FADS2: variants seen among roughly 807,000 people sequenced by gnomAD.
The protein encoded by FADS2 is acyl-CoA 6-desaturase.
Under a neutral mutation model 61.2 loss-of-function variants are expected in FADS2, and 18 were observed. The ratio of observed to expected loss-of-function variants is 0.29; its 90% CI spans 0.20 to 0.44. FADS2 has a LOEUF of 0.44. FADS2 is among the 20% of genes least tolerant of loss of function. The pLI is 1.00. For synonymous variants in FADS2, 203 were observed against 223.9 expected, an observed-to-expected ratio of 0.91 and a Z score of 0.83; for missense variants, 322 against 572.7, an observed-to-expected ratio of 0.56 and a Z score of 4.47.
rs772229687 is a variant in FADS2, at chr11:61,840,676, A to T, written c.569A>T (p.Lys190Ile). 6.2e-7 allele frequency: 1 copy of T among 1,614,202 alleles called. No individual in the cohort carries two copies. Among genetic ancestry groups the T allele is most frequent in the Non-Finnish European group, 8.5e-7 (1 of 1,180,038 alleles). Reference protein sequence around the residue: ...HDYGHLSVYRKPKWNHLVHKF... With the variant: ...HDYGHLSVYRIPKWNHLVHKF... ...TATGGCCACCTGTCTGTCTACAGAA[A>T]ACCCAAGTGGAACCACCTTGTCCAC... Residue 190 changes from lysine to isoleucine, a missense_variant, in exon 4 of 12, where the codon AAA becomes ATA. Lys to Ile is a moderately radical substitution (Grantham distance 102). This residue lies in a region of FADS2 where 221 missense variants were observed against 427.9 expected (regional missense o/e 0.52). Coordinates refer to ENST00000278840, the MANE Select transcript of FADS2 (RefSeq NM_004265.4).
At chr11:61,841,253 T>C (rs2067214772) in intron 4 of FADS2, among the ~76,000 whole-genome samples, 1 of 152,064 alleles carries the variant, frequency 6.6e-6, no homozygotes, top group African/African-American at 2.4e-5. Context: ...GGTTTTGCTA[T>C]GTTGGTCAGG....
Position 61,840,320 on chromosome 11 carries a change from C to A in FADS2, c.319-14C>A. ...CTGGTGGCTGACTCCTTTCCCTGTG[C>A]TCTTGGTCAACAGTCAAAGATCACT... On this transcript the variant is annotated splice_polypyrimidine_tract_variant and intron_variant, in intron 2 of 11. Transcript: ENST00000278840. 6.2e-7 allele frequency: 1 copy of A among 1,610,258 alleles called. No individual in the cohort carries two copies. The highest frequency in any genetic ancestry group is 8.5e-7 in the Non-Finnish European group (1 of 1,176,878).
At chr11:61,848,030 T>C in intron 4 of FADS2, 129 bp from the exon 5 acceptor site, 1 of 1,084,038 alleles carries the variant, frequency 9.2e-7, no homozygotes, top group Non-Finnish European at 1.3e-6. Flanking sequence ...ATTCTGGCCT[T>C]GTGGGGGCCT....
upstream of FADS2, among the ~76,000 whole-genome samples, chr11:61,824,815 G>C (rs2067069602): frequency 6.6e-6 from 1 of 152,144 alleles, no homozygotes; most frequent in Admixed American, 6.5e-5. Context: ...CAGGGAATGG[G>C]GGAGAATTAT....
chr11:61,833,504 G>A (rs1349569382), intron 1 of FADS2, among the ~76,000 whole-genome samples: 4 of 152,252 alleles, frequency 2.6e-5, no homozygotes, highest in Non-Finnish European at 5.9e-5. Flanking sequence ...TGAACAGCGG[G>A]CAATGCTCAA....
chr11:61,835,030 TGCCTCCCC>T (rs2067160505), intron 1 of FADS2, among the ~76,000 whole-genome samples: 1 of 10,720 alleles, frequency 9.3e-5, no homozygotes, highest in Admixed American at 3.1e-3. Flanking sequence ...GCCTCCTCCC[TGCCTCCCC>T]AGGGACTTCT....
chr11:61,836,681 T>C (rs1468043024), intron 1 of FADS2, among the ~76,000 whole-genome samples: 1 of 152,240 alleles, frequency 6.6e-6, no homozygotes, highest in Non-Finnish European at 1.5e-5. Flanking sequence ...GAGTTGCAGT[T>C]TTTATATCAT....
intron 1 of FADS2, among the ~76,000 whole-genome samples, chr11:61,821,709 G>A (rs2067037740): frequency 6.6e-6 from 1 of 152,204 alleles, no homozygotes; most frequent in Non-Finnish European, 1.5e-5. Flanking sequence ...CAACACAGTA[G>A]GCACTAATAA....
chr11:61,843,560 C>T (rs1348917649), intron 4 of FADS2, among the ~76,000 whole-genome samples: 2 of 152,212 alleles, frequency 1.3e-5, no homozygotes, highest in Admixed American at 1.3e-4. Flanking sequence ...AAGTAAGGCA[C>T]TCGCTTAGGG....
chr11:61,828,858 T>C lies in FADS2; in HGVS notation c.207+261T>C, dbSNP rs886284549. The C allele has an allele frequency of 9.1e-6, 4 of 440,442 alleles. No homozygotes were observed. The highest frequency in any genetic ancestry group is 1.6e-5 in the Non-Finnish European group (4 of 244,506). 27.3% of individuals were successfully genotyped at this position (440,442 alleles called of 1,614,324 possible). A position where few individuals can be genotyped will look rare whatever the true frequency, so the allele number is the denominator to read the frequency against. ...AGCGGTGGAGAACAGGGCAAGCATC[T>C]ACCGCGCGCGCCGGGACCCACGCGT... On this transcript the variant is annotated intron_variant, in intron 1 of 11. Transcript: ENST00000278840. The surrounding 1 kb of genome is among the most constrained non-coding windows in gnomAD (Gnocchi z 6.4).
intron 1 of FADS2, among the ~76,000 whole-genome samples, chr11:61,819,207 G>GA (rs917147031): frequency 2.0e-5 from 3 of 151,514 alleles, no homozygotes; most frequent in Admixed American, 1.3e-4. Context: ...CTGAAGAGAT[G>GA]AAAAAAAATA....
At chr11:61,818,650 T>C (rs2067009539) in intron 1 of FADS2, among the ~76,000 whole-genome samples, 2 of 152,198 alleles carry the variant, frequency 1.3e-5, no homozygotes, top group Admixed American at 1.3e-4. Context: ...TTGATAGATA[T>C]AGAATCCTTC....
chr11:61,816,816 G>T lies in FADS2; in HGVS notation c.141+390G>T, dbSNP rs979020168. The T allele has an allele frequency of 1.4e-5, 21 of 1,494,026 alleles. No homozygotes were observed. In the East Asian group the frequency reaches 5.6e-4, roughly 40 times the overall value. The allele number at this position is 1,494,026 out of a possible 1,614,324, so 92.5% of individuals were successfully genotyped here. A position where few individuals can be genotyped will look rare whatever the true frequency, so the allele number is the denominator to read the frequency against. ...CAGGGGCTGTCAGGCGCGTGCTCGG[G>T]GTCCGCGGGCTCCAGGAGTGGATTT... On this transcript the variant is annotated intron_variant, in intron 1 of 11. Transcript: ENST00000257261. The surrounding 1 kb of genome is among the most constrained non-coding windows in gnomAD (Gnocchi z 7.0).
intron 4 of FADS2, chr11:61,846,794 A>G (rs956542142): frequency 2.6e-5 from 4 of 152,060 alleles, no homozygotes; most frequent in African/African-American, 9.7e-5. Context: ...ATGGGATCCT[A>G]TTTGAGTGTT....
Position 61,840,428 on chromosome 11 carries a change from C to T in FADS2, c.413C>T (p.Ala138Val). The T allele has an allele frequency of 1.2e-6, 2 of 1,614,108 alleles. No individual in the cohort carries two copies. The highest frequency in any genetic ancestry group is 1.7e-6 in the Non-Finnish European group (2 of 1,179,940). Residue 138 changes from alanine (A) to valine (V), a missense_variant, in exon 3 of 12, where the codon GCC becomes GTC. Transcript: ENST00000278840. The stretch of plus-strand genomic sequence containing the variant: ...CACGTGTTCTTCCTCCTCCTCCTGG[C>T]CCACATCATCGCCCTGGAGAGCATT... ...TNHVFFLLLL[A>V]HIIALESIAW...
In FADS2 at chr11:61,865,055, G is replaced by C; in HGVS notation, c.1158-97G>C. The C allele has an allele frequency of 6.9e-7, 1 of 1,444,210 alleles. No homozygotes were observed. Among genetic ancestry groups the C allele is most frequent in the East Asian group, 2.3e-5 (1 of 43,080 alleles). The allele number at this position is 1,444,210 out of a possible 1,614,324, so 89.5% of individuals were successfully genotyped here. On this transcript the variant is annotated intron_variant, in intron 10 of 11. Coordinates refer to ENST00000278840, the MANE Select transcript of FADS2 (RefSeq NM_004265.4). The surrounding 1 kb of genome is among the most constrained non-coding windows in gnomAD (Gnocchi z 4.1). The stretch of plus-strand genomic sequence containing the variant: ...GGTCCTGGCTGTGGACAGGGTCTCT[G>C]AGGGCCCCAGCCAGCCTCTGCCCAG...
intron 4 of FADS2, among the ~76,000 whole-genome samples, chr11:61,845,697 G>A (rs2067251789): frequency 6.6e-6 from 1 of 151,380 alleles, no homozygotes; most frequent in African/African-American, 2.4e-5. Context: ...GAAGGCTGAG[G>A]TAGGAGAACC....
intron 4 of FADS2, among the ~76,000 whole-genome samples, chr11:61,846,411 T>TC (rs1168778293): frequency 1.6e-4 from 21 of 135,346 alleles, no homozygotes; most frequent in Admixed American, 1.2e-3. Flanking sequence ...TCTCTGACTT[T>TC]TTTTTTTTTT....
intron 5 of FADS2, among the ~76,000 whole-genome samples, chr11:61,853,218 CTCTT>C (rs1263353560): frequency 2.6e-5 from 4 of 151,200 alleles, no homozygotes; most frequent in Admixed American, 6.6e-5. Context: ...AGTGTAGTCA[CTCTT>C]TCTTTCTTCT....
Sources: gnomAD v4.1 joint callset for allele counts (sites outside exome capture counted in the v4.1 genomes callset) on GRCh38, gnomAD v4.1.1 for gene constraint, gnomAD v4.1.1 regional missense constraint, Gnocchi (gnomAD v3.1) non-coding constraint, MANE v1.5 for transcripts, NCBI Gene and HGNC (gene_info 2026-07-23, HGNC 2026-07-21) for gene names.